SREK1: variants seen among roughly 807,000 people sequenced by gnomAD.
The protein encoded by SREK1 is splicing regulatory glutamine/lysine-rich protein 1.
Under a neutral mutation model 66.5 loss-of-function variants are expected in SREK1, and 13 were observed. That is an observed-to-expected ratio of 0.20 (90% CI 0.13 to 0.31). The LOEUF (loss-of-function observed/expected upper bound fraction) is 0.31, where lower values mean the gene tolerates loss of function less well. Among genes scored for constraint, SREK1 ranks in the 10% least tolerant of loss-of-function variants. SREK1 has a pLI of 1.00. For missense variants in SREK1, 607 were observed against 769.6 expected (o/e 0.79, Z 2.50); for synonymous variants, 265 against 263.5 (o/e 1.01, Z -0.05).
At chr5:66,165,060 GA>G in intron 7 of SREK1, 163 bp downstream of exon 7, 1 of 571,788 alleles carries the variant, frequency 1.7e-6, no homozygotes, top group Non-Finnish European at 2.8e-6. Context: ...TACTGTAGTT[GA>G]GAATGAAATT....
In SREK1 at chr5:66,163,682, G is replaced by A. The variant is rs1294785771; in HGVS notation, c.756-110G>A. 7.1e-6 allele frequency: 8 copies of A among 1,121,762 alleles called. No homozygotes were observed. In the East Asian group the frequency reaches 1.4e-4, roughly 20 times the overall value. The allele number at this position is 1,121,762 out of a possible 1,614,324, so 69.5% of individuals were successfully genotyped here. ...TGGTTATTCTGTATATCATTCTTACGTGCTTCTGAGATGTCCTCACGTTTA... is the reference window on the plus strand; with the variant it reads ...TGGTTATTCTGTATATCATTCTTACATGCTTCTGAGATGTCCTCACGTTTA... On this transcript the variant is annotated intron_variant, in intron 5 of 11. Coordinates refer to ENST00000334121, the MANE Select transcript of SREK1 (RefSeq NM_001077199.3).
At chr5:66,173,465 T>G (rs912655630) in intron 9 of SREK1, among the ~76,000 whole-genome samples, 1 of 152,172 alleles carries the variant, frequency 6.6e-6, no homozygotes, top group African/African-American at 2.4e-5. Flanking sequence ...TTGTCTTTAT[T>G]TTTCAGTTGA....
At chr5:66,157,786 T>A (rs1744416572) in intron 2 of SREK1, 1 of 837,834 alleles carries the variant, frequency 1.2e-6, no homozygotes, top group Non-Finnish European at 1.4e-6. Context: ...AAATAGTAGG[T>A]TTTATTTGCT....
At chr5:66,158,537 G>A (rs1228185243) in intron 2 of SREK1, 1 of 183,074 alleles carries the variant, frequency 5.5e-6, no homozygotes, top group Non-Finnish European at 1.2e-5. Flanking sequence ...ATGGATGTAG[G>A]CTTCCTTTTA....
In SREK1 at chr5:66,159,504, C is replaced by T. The variant is rs897100398; in HGVS notation, c.411+170C>T. 9.3e-5 allele frequency among the ~76,000 whole-genome samples: 14 copies of T among 150,822 alleles called. No individual in the cohort carries two copies. In the East Asian group the frequency reaches 1.4e-3, roughly 15 times the overall value. On this transcript the variant is annotated intron_variant, in intron 3 of 11. Transcript: ENST00000334121. The stretch of plus-strand genomic sequence containing the variant: ...TTTTTTCACTTTATCAGTGACTTAA[C>T]GCTGCGTTTTGGATTTACTCCTGAA...
Position 66,182,682 on chromosome 5 carries a change from C to G in SREK1, c.*3814C>G, listed in dbSNP as rs1746591176. ...CTCGGCATGGATGATCCTCTCACCTCAGCCTCTTGAATAGCTGGGACCACA... is the reference window on the plus strand; with the variant it reads ...CTCGGCATGGATGATCCTCTCACCTGAGCCTCTTGAATAGCTGGGACCACA... On this transcript the variant is annotated 3_prime_UTR_variant, in exon 12 of 12. Coordinates refer to ENST00000334121, the MANE Select transcript of SREK1 (RefSeq NM_001077199.3). The G allele has an allele frequency of 6.6e-6, 1 of 152,208 alleles. No individual in the cohort carries two copies. Among genetic ancestry groups the G allele is most frequent in the Non-Finnish European group, 1.5e-5 (1 of 68,078 alleles). The allele number at this position is 152,208 out of a possible 1,614,324, so 9.4% of individuals were successfully genotyped here. A position where few individuals can be genotyped will look rare whatever the true frequency, so the allele number is the denominator to read the frequency against.
At chr5:66,170,473 G>A (rs1745539300) in intron 8 of SREK1, 112 bp from the exon 9 acceptor site, 1 of 1,319,748 alleles carries the variant, frequency 7.6e-7, no homozygotes, top group Non-Finnish European at 1.0e-6. Context: ...ATATGTAAAT[G>A]TCTGTAGGTA....
intron 3 of SREK1, 34 bp from the exon 4 acceptor site, chr5:66,162,075 T>C (rs1042479373): frequency 7.5e-6 from 12 of 1,596,752 alleles, no homozygotes; most frequent in African/African-American, 2.7e-5. Flanking sequence ...ATAGAAAATA[T>C]GTGTTCTGTG....
chr5:66,173,668 A>G (rs958345114), intron 9 of SREK1, among the ~76,000 whole-genome samples: 7 of 152,216 alleles, frequency 4.6e-5, no homozygotes, highest in African/African-American at 1.7e-4. Flanking sequence ...CCACTTGTAC[A>G]TAGTGCTTTC....
Position 66,170,114 on chromosome 5 carries a change from T to C in SREK1, c.1065T>C (p.His355=). 14 of 1,613,316 alleles carry C rather than the reference T, an allele frequency of 8.7e-6. No individual in the cohort carries two copies. Among genetic ancestry groups the C allele is most frequent in the Non-Finnish European group, 1.2e-5 (14 of 1,179,538 alleles). The part of the protein sequence containing the change: ...QKDRRRSKSP[H]KKRSKSRERR... ...ACAGACGTAGATCTAAGAGCCCACA[T>C]AAAAAACGCTCTAAATCAAGGGAGA... Residue 355 remains histidine (H), a synonymous_variant, in exon 8 of 12, where the codon CAT becomes CAC. Transcript: ENST00000334121.
intron 2 of SREK1, chr5:66,156,656 CA>C: frequency 1.0e-6 from 1 of 985,260 alleles, no homozygotes; most frequent in Non-Finnish European, 1.2e-6. Flanking sequence ...GAATTTTAGG[CA>C]TACAAAATCA....
intron 7 of SREK1, chr5:66,167,898 A>T (rs1375796263): frequency 6.6e-6 from 1 of 152,210 alleles, no homozygotes; most frequent in African/African-American, 2.4e-5. Flanking sequence ...ACTTTAAAAG[A>T]TTACCCTATG....
At position 66,178,940 on chromosome 5, in the gene SREK1, A is replaced by G; in HGVS notation, c.*72A>G. ...GCTTTTAATTCTCTCAACAAGATGT[A>G]AACAGGAAAGAAATCTAGTTGAGCA... On this transcript the variant is annotated 3_prime_UTR_variant, in exon 12 of 12. Coordinates refer to ENST00000334121, the MANE Select transcript of SREK1 (RefSeq NM_001077199.3). The G allele has an allele frequency of 2.8e-6, 4 of 1,412,924 alleles. No individual in the cohort carries two copies. The highest frequency in any genetic ancestry group is 3.7e-6 in the Non-Finnish European group (4 of 1,069,118). 87.5% of individuals were successfully genotyped at this position (1,412,924 alleles called of 1,614,324 possible).
chr5:66,147,297 A>C (rs1743325073), intron 1 of SREK1, among the ~76,000 whole-genome samples: 1 of 152,148 alleles, frequency 6.6e-6, no homozygotes, highest in Non-Finnish European at 1.5e-5. Flanking sequence ...AACTTTTTGC[A>C]CAATAAATCA....
At chr5:66,153,760 A>G (rs1052262011) in intron 2 of SREK1, 164 bp downstream of exon 2, 4 of 781,806 alleles carry the variant, frequency 5.1e-6, no homozygotes, top group Non-Finnish European at 7.9e-6. Flanking sequence ...TAATATTAAA[A>G]TGGTTAATTT....
At chr5:66,170,559 G>T in intron 8 of SREK1, 26 bp from the exon 9 acceptor site, 2 of 1,571,850 alleles carry the variant, frequency 1.3e-6, no homozygotes, top group Non-Finnish European at 1.7e-6. Flanking sequence ...TTTTAGTTAT[G>T]AATTTATTTA....
chr5:66,161,661 C>T (rs1744783538), intron 3 of SREK1, among the ~76,000 whole-genome samples: 1 of 152,038 alleles, frequency 6.6e-6, no homozygotes, highest in South Asian at 2.1e-4. Context: ...GTTAATGAAT[C>T]GACAATATAT....
At chr5:66,164,541 G>GT (rs1745018816) in intron 6 of SREK1, 2 of 1,427,174 alleles carry the variant, frequency 1.4e-6, no homozygotes, top group Admixed American at 4.1e-5. Context: ...GTAATCGTAC[G>GT]TTACGGCAGC....
chr5:66,145,677 A>T (rs898117252), intron 1 of SREK1, among the ~76,000 whole-genome samples: 1 of 151,554 alleles, frequency 6.6e-6, no homozygotes, highest in Non-Finnish European at 1.5e-5. Flanking sequence ...TACATTGAAC[A>T]TCCATGTTCC....
Sources: allele counts gnomAD v4.1 joint callset (sites outside exome capture counted in the v4.1 genomes callset), GRCh38; gene constraint gnomAD v4.1.1; transcripts MANE v1.5; gene names NCBI Gene and HGNC (gene_info 2026-07-23, HGNC 2026-07-21).